CDKAL1: variants seen among roughly 807,000 people sequenced by gnomAD.
The protein encoded by CDKAL1 is threonylcarbamoyladenosine tRNA methylthiotransferase.
Under a neutral mutation model 68.2 loss-of-function variants are expected in CDKAL1, and 32 were observed. The ratio of observed to expected loss-of-function variants is 0.47; its 90% CI spans 0.35 to 0.63. CDKAL1 has a LOEUF of 0.63. CDKAL1 is among the 30% of genes least tolerant of loss of function. The pLI is 0.00. For synonymous variants in CDKAL1, 234 were observed against 244.3 expected (o/e 0.96, Z 0.39); for missense variants, 606 against 696.7 (o/e 0.87, Z 1.47).
At chr6:21,092,993 G>A (rs1366514203) in intron 12 of CDKAL1, among the ~76,000 whole-genome samples, 3 of 151,870 alleles carry the variant, frequency 2.0e-5, no homozygotes, top group Non-Finnish European at 4.4e-5. Context: ...AACAAATCTG[G>A]GAAGGGTCCA....
At chr6:20,770,408 G>T (rs1279565724) in intron 7 of CDKAL1, among the ~76,000 whole-genome samples, 1 of 152,092 alleles carries the variant, frequency 6.6e-6, no homozygotes, top group Non-Finnish European at 1.5e-5. Context: ...CTGTCAAATG[G>T]TTAGGTCAAA....
chr6:20,933,723 TTCTTTAATC>T (rs1763574722), intron 9 of CDKAL1, among the ~76,000 whole-genome samples: 1 of 152,264 alleles, frequency 6.6e-6, no homozygotes, highest in Non-Finnish European at 1.5e-5. Flanking sequence ...CGTCCTTATT[TTCTTTAATC>T]TGAAATCATC....
intron 9 of CDKAL1, among the ~76,000 whole-genome samples, chr6:20,901,515 A>T (rs1403268746): frequency 1.3e-5 from 2 of 151,064 alleles, no homozygotes; most frequent in Non-Finnish European, 3.0e-5. Context: ...TCTACTAAAA[A>T]TACAAAAAAA....
intron 11 of CDKAL1, among the ~76,000 whole-genome samples, chr6:21,006,055 C>T (rs776796715): frequency 6.6e-6 from 1 of 152,138 alleles, no homozygotes; most frequent in Non-Finnish European, 1.5e-5. Context: ...TAACTTATAT[C>T]ATCCAGCCCA....
At chr6:20,933,334 G>T (rs1043836414) in intron 9 of CDKAL1, among the ~76,000 whole-genome samples, 1 of 152,196 alleles carries the variant, frequency 6.6e-6, no homozygotes, top group Non-Finnish European at 1.5e-5. Context: ...CAAAGGTGAT[G>T]TTTATGTCAA....
chr6:20,838,601 C>T lies in CDKAL1; in HGVS notation c.639-7474C>T, dbSNP rs564901492. Reference sequence around the variant, plus strand: ...TATTTTAGTAAACACATTTAGAAAACAGTTGTTGCTATTAAGGGTGTGGGA... The same window carrying T: ...TATTTTAGTAAACACATTTAGAAAATAGTTGTTGCTATTAAGGGTGTGGGA... On this transcript the variant is annotated intron_variant, in intron 8 of 15. Coordinates refer to ENST00000274695, the MANE Select transcript of CDKAL1 (RefSeq NM_017774.3). 5.3e-5 allele frequency among the ~76,000 whole-genome samples: 8 copies of T among 152,226 alleles called. No individual in the cohort carries two copies. In the South Asian group the frequency reaches 1.7e-3, roughly 32 times the overall value.
chr6:20,645,931 A>G (rs1336751462), intron 4 of CDKAL1, among the ~76,000 whole-genome samples: 1 of 151,850 alleles, frequency 6.6e-6, no homozygotes, highest in Non-Finnish European at 1.5e-5. Context: ...GTCCCACTGG[A>G]AGATCTTCAG....
chr6:20,713,025 A>G (rs1045357204), intron 5 of CDKAL1, among the ~76,000 whole-genome samples: 1 of 151,176 alleles, frequency 6.6e-6, no homozygotes, highest in African/African-American at 2.4e-5. Context: ...AGGACTTGTG[A>G]TCATGTAGTT....
chr6:20,830,130 A>G (rs191167953), intron 8 of CDKAL1, among the ~76,000 whole-genome samples: 1 of 152,194 alleles, frequency 6.6e-6, no homozygotes, highest in Non-Finnish European at 1.5e-5. Context: ...TGCTGGGATT[A>G]CAGGTGTGAG....
chr6:21,172,998 AT>A (rs1043690707), intron 13 of CDKAL1, among the ~76,000 whole-genome samples: 7 of 138,362 alleles, frequency 5.1e-5, no homozygotes, highest in African/African-American at 1.9e-4. Context: ...TTCATTCCTC[AT>A]TTTGTCTTTT....
intron 5 of CDKAL1, among the ~76,000 whole-genome samples, chr6:20,738,953 A>T (rs1773322275): frequency 1.3e-5 from 2 of 152,194 alleles, no homozygotes; most frequent in Non-Finnish European, 2.9e-5. Flanking sequence ...TATGTGAGGG[A>T]TAGTCTTGTG....
At chr6:20,960,493 T>C (rs994072482) in intron 10 of CDKAL1, among the ~76,000 whole-genome samples, 1 of 152,234 alleles carries the variant, frequency 6.6e-6, no homozygotes, top group African/African-American at 2.4e-5. Context: ...TCTCTGTCTC[T>C]TTGGGCACTC....
In CDKAL1 at chr6:21,123,384, G is replaced by T. The variant is rs191698487; in HGVS notation, c.1299+14921G>T. ...GTGGAAGGATCACTTGAGCCTGGGG[G>T]AGCGGAGGTTACAGTAAGCCAAGAA... On this transcript the variant is annotated intron_variant, in intron 13 of 15. Coordinates refer to ENST00000274695, the MANE Select transcript of CDKAL1 (RefSeq NM_017774.3). Among the ~76,000 whole-genome samples the T allele has an allele frequency of 1.6e-3, 246 of 152,264 alleles. No individual in the cohort carries two copies. The South Asian group carries it at 0.018, about 11-fold the overall frequency.
intron 13 of CDKAL1, among the ~76,000 whole-genome samples, chr6:21,186,842 A>C (rs1359272782): frequency 6.6e-6 from 1 of 152,218 alleles, no homozygotes; most frequent in East Asian, 1.9e-4. Flanking sequence ...TTTTAAAAAC[A>C]ACATCATAAT....
chr6:20,652,596 T>C (rs1287936852), intron 5 of CDKAL1, among the ~76,000 whole-genome samples: 59 of 152,182 alleles, frequency 3.9e-4, no homozygotes, highest in Admixed American at 3.9e-3. Flanking sequence ...TACCTGGGTC[T>C]AATCGGCCCC....
chr6:20,800,067 G>A (rs939500373), intron 8 of CDKAL1, among the ~76,000 whole-genome samples: 2 of 152,208 alleles, frequency 1.3e-5, no homozygotes, highest in African/African-American at 4.8e-5. Flanking sequence ...CAATGGAAAA[G>A]CAACAGCATG....
chr6:21,068,850 T>C (rs906963568), intron 12 of CDKAL1, among the ~76,000 whole-genome samples: 39 of 152,192 alleles, frequency 2.6e-4, no homozygotes, highest in Non-Finnish European at 1.2e-4. Flanking sequence ...GAAGTATATG[T>C]CTCCATTTAT....
At position 20,740,047 on chromosome 6, in the gene CDKAL1, A is replaced by G. The variant is rs557543733; in HGVS notation, c.468+432A>G. ...GCTCCAACATGACAACATTCTGTGA[A>G]GCCTTCTCTGCCTACTCCGTGTAGT... is the stretch of plus-strand genomic sequence containing the variant. On this transcript the variant is annotated intron_variant, in intron 6 of 15. Coordinates refer to ENST00000274695, the MANE Select transcript of CDKAL1 (RefSeq NM_017774.3). 3.5e-4 allele frequency among the ~76,000 whole-genome samples: 53 copies of G among 152,308 alleles called. No homozygotes were observed. In the South Asian group the frequency reaches 0.01, roughly 29 times the overall value.
chr6:20,569,836 A>G (rs1764624087), intron 4 of CDKAL1, among the ~76,000 whole-genome samples: 1 of 152,174 alleles, frequency 6.6e-6, no homozygotes, highest in Non-Finnish European at 1.5e-5. Context: ...GAAAAGAGGA[A>G]ATTGAGGATT....
Sources: gnomAD v4.1 joint callset for allele counts (sites outside exome capture counted in the v4.1 genomes callset) on GRCh38, gnomAD v4.1.1 for gene constraint, MANE v1.5 for transcripts, NCBI Gene and HGNC (gene_info 2026-07-23, HGNC 2026-07-21) for gene names.